Variants in GPHN observed in about 807,000 individuals in gnomAD.
GPHN encodes gephyrin.
Under a neutral mutation model 95.5 loss-of-function variants are expected in GPHN, and 17 were observed. The observed-to-expected ratio is 0.18, with a 90% CI of 0.12 to 0.27. GPHN has a LOEUF of 0.27. Among genes scored for constraint, GPHN ranks in the 10% least tolerant of loss-of-function variants. The pLI is 1.00. For missense variants in GPHN, 660 were observed against 978.1 expected (o/e 0.67, Z 4.34); for synonymous variants, 320 against 322.5 (o/e 0.99, Z 0.08).
chr14:67,429,945 C>T, the GPHN span, among the ~76,000 whole-genome samples: 1 of 152,086 alleles, frequency 6.6e-6, no homozygotes, highest in Admixed American at 6.6e-5. Context: ...CCAAGAGATT[C>T]CAAGAGATTA....
intron 1 of GPHN, among the ~76,000 whole-genome samples, chr14:66,575,871 G>A (rs1459883034): frequency 3.9e-5 from 6 of 152,116 alleles, no homozygotes; most frequent in African/African-American, 1.2e-4. Flanking sequence ...CCGTGGGATG[G>A]GTCTAGAGTC....
chr14:67,094,231 A>G (rs2077257513), intron 12 of GPHN, among the ~76,000 whole-genome samples: 1 of 152,278 alleles, frequency 6.6e-6, no homozygotes, highest in South Asian at 2.1e-4. Flanking sequence ...TAGTGTTATC[A>G]ATTTCATATC....
intron 2 of GPHN, among the ~76,000 whole-genome samples, chr14:66,739,373 C>T (rs1394750274): frequency 2.6e-5 from 4 of 151,692 alleles, no homozygotes; most frequent in Non-Finnish European, 2.9e-5. Flanking sequence ...CCCGCCACCA[C>T]GCCCGGCTAA....
chr14:66,642,158 T>C (rs1055289690), intron 1 of GPHN, among the ~76,000 whole-genome samples: 1 of 152,148 alleles, frequency 6.6e-6, no homozygotes, highest in African/African-American at 2.4e-5. Context: ...ATATGTCACA[T>C]TATAAGGCAA....
In GPHN at chr14:67,168,945, C is replaced by T; in HGVS notation, c.1988C>T (p.Ser663Leu). Residue 663 changes from serine (S) to leucine (L), a missense_variant, in exon 21 of 23, where the codon TCG (serine) becomes TTG (leucine). By Grantham distance (145) the Ser-to-Leu change is moderately radical. Around this residue, in one of 6 missense-constraint regions of GPHN, gnomAD observed 257 missense variants for 376.2 expected, o/e 0.68. Coordinates refer to ENST00000478722, the MANE Select transcript of GPHN (RefSeq NM_020806.5). ...GGTTGACTTTCAGGGAATCCTGTAT[C>T]GGCTGTGGTCACCTGCAATCTCTTT... is the stretch of plus-strand genomic sequence containing the variant. Reference protein sequence around the residue: ...IIFALPGNPVSAVVTCNLFVV... With the variant: ...IIFALPGNPVLAVVTCNLFVV... The T allele has an allele frequency of 6.2e-7, 1 of 1,608,358 alleles. No homozygotes were observed. Among genetic ancestry groups the T allele is most frequent in the Non-Finnish European group, 8.5e-7 (1 of 1,174,772 alleles).
chr14:67,545,578 A>G, the GPHN span, among the ~76,000 whole-genome samples: 1 of 152,250 alleles, frequency 6.6e-6, no homozygotes, highest in Non-Finnish European at 1.5e-5. Flanking sequence ...AAGTGGCAGA[A>G]ATAAATCCAA....
chr14:66,613,684 C>G (rs1038406491), intron 1 of GPHN, among the ~76,000 whole-genome samples: 1 of 151,710 alleles, frequency 6.6e-6, no homozygotes, highest in African/African-American at 2.4e-5. Flanking sequence ...TGTATATGTT[C>G]TTATTTTTCT....
chr14:67,687,633 G>A, the GPHN span, among the ~76,000 whole-genome samples: 15 of 151,870 alleles, frequency 9.9e-5, no homozygotes, highest in South Asian at 1.3e-3. Context: ...CAACATGCCC[G>A]GCTAATTTTG....
the GPHN span, among the ~76,000 whole-genome samples, chr14:67,639,937 A>G: frequency 6.6e-6 from 1 of 151,014 alleles, no homozygotes; most frequent in Non-Finnish European, 1.5e-5. Flanking sequence ...AAAAAAAAAA[A>G]AAAAAAAAAA....
At chr14:67,417,553 T>A in the GPHN span, among the ~76,000 whole-genome samples, 1 of 151,680 alleles carries the variant, frequency 6.6e-6, no homozygotes, top group South Asian at 2.1e-4. Flanking sequence ...TACCTCAGCC[T>A]CCTGAGTAGC....
At chr14:67,695,866 AGCGCT>A in the GPHN span, 1 of 625,296 alleles carries the variant, frequency 1.6e-6, no homozygotes, top group East Asian at 2.8e-5. Context: ...GCTACGTGGG[AGCGCT>A]GCCGCCAACG....
chr14:67,107,209 A>C (rs1401904582), intron 13 of GPHN, among the ~76,000 whole-genome samples: 3 of 152,100 alleles, frequency 2.0e-5, no homozygotes, highest in African/African-American at 7.2e-5. Flanking sequence ...TTTCCACACA[A>C]TAGGGAGAAT....
At chr14:66,722,511 A>T (rs1595690911) in intron 2 of GPHN, among the ~76,000 whole-genome samples, 2 of 152,246 alleles carry the variant, frequency 1.3e-5, no homozygotes, top group Admixed American at 1.3e-4. Context: ...TGTAGCTATC[A>T]TAGCTCACTG....
the GPHN span, chr14:67,338,609 G>C: frequency 1.2e-6 from 2 of 1,612,304 alleles, no homozygotes; most frequent in Non-Finnish European, 1.7e-6. Context: ...CAAAGAACCA[G>C]AACAGGAAAG....
At chr14:67,137,018 A>G (rs2080115318) in intron 17 of GPHN, among the ~76,000 whole-genome samples, 1 of 152,092 alleles carries the variant, frequency 6.6e-6, no homozygotes, top group Non-Finnish European at 1.5e-5. Flanking sequence ...ATTGCCAAGC[A>G]TGGTGGCACA....
At chr14:66,671,054 C>G (rs181076026) in intron 1 of GPHN, among the ~76,000 whole-genome samples, 113 of 152,156 alleles carry the variant, frequency 7.4e-4, no homozygotes, top group African/African-American at 2.7e-3. Context: ...GTTTGTGTTC[C>G]CTGTCATCAA....
chr14:67,250,120 T>A, the GPHN span, among the ~76,000 whole-genome samples: 2 of 152,302 alleles, frequency 1.3e-5, no homozygotes, highest in East Asian at 3.9e-4. Flanking sequence ...TGAAAACCAT[T>A]GATGTAGATA....
At chr14:67,017,037 G>A (rs1432896517) in intron 9 of GPHN, among the ~76,000 whole-genome samples, 1 of 152,038 alleles carries the variant, frequency 6.6e-6, no homozygotes, top group East Asian at 1.9e-4. Context: ...AGGTTACACA[G>A]CTAGGAAGAG....
chr14:66,723,526 A>G (rs2070945974), intron 2 of GPHN, among the ~76,000 whole-genome samples: 1 of 152,240 alleles, frequency 6.6e-6, no homozygotes, highest in Non-Finnish European at 1.5e-5. Flanking sequence ...AAATCAGACA[A>G]GTATCTAAAA....
Sources: allele counts gnomAD v4.1 joint callset (sites outside exome capture counted in the v4.1 genomes callset), GRCh38; gene constraint gnomAD v4.1.1; regional missense constraint gnomAD v4.1.1; transcripts MANE v1.5; gene names NCBI Gene and HGNC (gene_info 2026-07-23, HGNC 2026-07-21).